The following ZNF804A variants were observed in gnomAD, a reference collection of about 807,000 sequenced individuals.
ZNF804A encodes zinc finger protein 804A.
Under a neutral mutation model 16.5 loss-of-function variants are expected in ZNF804A, and 2 were observed. The ratio of observed to expected loss-of-function variants is 0.12; its 90% CI spans 0.05 to 0.38. The LOEUF (loss-of-function observed/expected upper bound fraction) is 0.38. Among genes scored for constraint, ZNF804A ranks in the 10% least tolerant of loss-of-function variants. The pLI is 0.99. For synonymous variants in ZNF804A, 534 were observed against 489.6 expected (o/e 1.09, Z -1.20); for missense variants, 1,473 against 1,390.7 (o/e 1.06, Z -0.94).
At chr2:184,719,877 T>C (rs1339734790) in intron 1 of ZNF804A, among the ~76,000 whole-genome samples, 1 of 152,212 alleles carries the variant, frequency 6.6e-6, no homozygotes, top group Non-Finnish European at 1.5e-5. Context: ...TCTTACCCAG[T>C]TGCAAAGTCA....
rs573473350 is a variant in ZNF804A at position 184,646,588 on chromosome 2, C to T, written c.111+47518C>T. On this transcript the variant is annotated intron_variant, in intron 1 of 3. Coordinates refer to ENST00000302277, the MANE Select transcript of ZNF804A (RefSeq NM_194250.2). ...GATCTCCAGGAATTCAGAGCACCTG[C>T]TCACTTAGATCAGCAGCCTGAGCTG... 3.3e-5 allele frequency among the ~76,000 whole-genome samples: 5 copies of T among 152,328 alleles called. No individual in the cohort carries two copies. The South Asian group carries it at 1.0e-3, about 32-fold the overall frequency.
At chr2:184,758,505 C>T (rs955219244) in intron 1 of ZNF804A, among the ~76,000 whole-genome samples, 2 of 151,860 alleles carry the variant, frequency 1.3e-5, no homozygotes, top group Non-Finnish European at 2.9e-5. Context: ...CAAGGTTACT[C>T]AATTTGTAAT....
intron 1 of ZNF804A, among the ~76,000 whole-genome samples, chr2:184,795,928 T>C (rs1174352835): frequency 6.6e-6 from 1 of 151,952 alleles, no homozygotes; most frequent in Non-Finnish European, 1.5e-5. Flanking sequence ...AAATGGTTAT[T>C]AAAAAATTAC....
chr2:184,928,036 CAA>C (rs1685636450), intron 2 of ZNF804A, among the ~76,000 whole-genome samples: 1 of 151,986 alleles, frequency 6.6e-6, no homozygotes, highest in African/African-American at 2.4e-5. Flanking sequence ...CTACTTTTCT[CAA>C]GCAGAGGAAG....
At chr2:184,686,221 A>T (rs1348324867) in intron 1 of ZNF804A, among the ~76,000 whole-genome samples, 1 of 152,264 alleles carries the variant, frequency 6.6e-6, no homozygotes, top group South Asian at 2.1e-4. Flanking sequence ...GGCTGCAGCT[A>T]CACTAGGGAG....
chr2:184,928,629 A>G lies in ZNF804A; in HGVS notation c.256-4974A>G, dbSNP rs563601558. Among the ~76,000 whole-genome samples, 4 of 152,268 alleles carry G rather than the reference A, an allele frequency of 2.6e-5. No homozygotes were observed. The South Asian group carries it at 8.3e-4, about 32-fold the overall frequency. The stretch of plus-strand genomic sequence containing the variant: ...CGCGAGTTGAATAAATAAAGCTGAA[A>G]TAAATAAAGCTGAACTTTATTTAGA... On this transcript the variant is annotated intron_variant, in intron 2 of 3. Coordinates refer to ENST00000302277, the MANE Select transcript of ZNF804A (RefSeq NM_194250.2).
chr2:184,797,466 T>C (rs998560329), intron 1 of ZNF804A, among the ~76,000 whole-genome samples: 5 of 152,198 alleles, frequency 3.3e-5, no homozygotes, highest in Admixed American at 2.6e-4. Context: ...GCTTTTGTTG[T>C]CCATTTGCAT....
intron 3 of ZNF804A, 54 bp downstream of exon 3, chr2:184,933,787 A>G (rs1685742658): frequency 6.5e-7 from 1 of 1,544,852 alleles, no homozygotes; most frequent in Non-Finnish European, 8.7e-7. Flanking sequence ...AAAAAGGGGT[A>G]TAGGGGGAGT....
At chr2:184,715,182 T>C (rs1574176605) in intron 1 of ZNF804A, among the ~76,000 whole-genome samples, 1 of 152,254 alleles carries the variant, frequency 6.6e-6, no homozygotes, top group East Asian at 1.9e-4. Context: ...GGGGACTAAC[T>C]GTTCTGGACT....
chr2:184,730,465 G>T (rs1004254437), intron 1 of ZNF804A, among the ~76,000 whole-genome samples: 1 of 152,094 alleles, frequency 6.6e-6, no homozygotes, highest in Non-Finnish European at 1.5e-5. Context: ...ATAATGACAG[G>T]CATCTGCCAC....
intron 2 of ZNF804A, among the ~76,000 whole-genome samples, chr2:184,881,907 C>A (rs928478813): frequency 6.6e-6 from 1 of 152,002 alleles, no homozygotes; most frequent in African/African-American, 2.4e-5. Flanking sequence ...TAACATCTGA[C>A]AATATCATGG....
At chr2:184,814,272 C>A (rs955389097) in intron 1 of ZNF804A, among the ~76,000 whole-genome samples, 1 of 151,858 alleles carries the variant, frequency 6.6e-6, no homozygotes, top group Non-Finnish European at 1.5e-5. Context: ...TTGAAAAGTA[C>A]AAAACTAATA....
intron 2 of ZNF804A, among the ~76,000 whole-genome samples, chr2:184,913,431 C>T (rs192763598): frequency 2.0e-5 from 3 of 152,206 alleles, no homozygotes; most frequent in Admixed American, 2.0e-4. Context: ...CTTCTCTTGG[C>T]ATTTCTTATA....
At chr2:184,774,130 G>T (rs1265547834) in intron 1 of ZNF804A, among the ~76,000 whole-genome samples, 2 of 151,856 alleles carry the variant, frequency 1.3e-5, no homozygotes, top group African/African-American at 4.8e-5. Flanking sequence ...GTTAGGAAAG[G>T]AATCCTACTA....
chr2:184,675,868 A>G (rs1295815208), intron 1 of ZNF804A, among the ~76,000 whole-genome samples: 1 of 151,724 alleles, frequency 6.6e-6, no homozygotes, highest in African/African-American at 2.4e-5. Context: ...AAAATATATT[A>G]TCATTGAACT....
chr2:184,847,461 G>A (rs968541604), intron 1 of ZNF804A, among the ~76,000 whole-genome samples: 4 of 151,980 alleles, frequency 2.6e-5, no homozygotes, highest in African/African-American at 9.7e-5. Context: ...ACCTTTCAGA[G>A]CAGAATGACA....
chr2:184,842,995 T>C (rs1695459910), intron 1 of ZNF804A, among the ~76,000 whole-genome samples: 1 of 152,160 alleles, frequency 6.6e-6, no homozygotes, highest in Non-Finnish European at 1.5e-5. Context: ...GCTCATGTCT[T>C]GCCCTTTACT....
At chr2:184,780,444 C>A (rs575806685) in intron 1 of ZNF804A, among the ~76,000 whole-genome samples, 1 of 151,840 alleles carries the variant, frequency 6.6e-6, no homozygotes, top group African/African-American at 2.4e-5. Flanking sequence ...AATCTGAGAA[C>A]TGAAAACTGA....
At position 184,939,314 on chromosome 2, in the gene ZNF804A, AG is replaced by A. The variant is rs1685856556; in HGVS notation, c.*289del. ...TATAATGTACATAAAATATATTTAT[AG>A]TACTCTAATTTATGTTGTAAAGTAT... On this transcript the variant is annotated 3_prime_UTR_variant, in exon 4 of 4. Coordinates refer to ENST00000302277, the MANE Select transcript of ZNF804A (RefSeq NM_194250.2). 4.3e-6 allele frequency: 1 copy of A among 232,224 alleles called. No individual in the cohort carries two copies. The highest frequency in any genetic ancestry group is 2.3e-5 in the African/African-American group (1 of 44,428). 14.4% of individuals were successfully genotyped at this position (232,224 alleles called of 1,614,324 possible). A position where few individuals can be genotyped will look rare whatever the true frequency, so the allele number is the denominator to read the frequency against.
Sources: gnomAD v4.1 joint callset for allele counts (sites outside exome capture counted in the v4.1 genomes callset) on GRCh38, gnomAD v4.1.1 for gene constraint, MANE v1.5 for transcripts, NCBI Gene and HGNC (gene_info 2026-07-23, HGNC 2026-07-21) for gene names.